Variants in USF2 observed in about 807,000 individuals in gnomAD.
USF2 encodes upstream stimulatory factor 2.
Under a neutral mutation model 46.9 loss-of-function variants are expected in USF2, and 16 were observed. The ratio of observed to expected loss-of-function variants is 0.34; its 90% CI spans 0.23 to 0.52. USF2 has a LOEUF of 0.52. Ranked by LOEUF, USF2 falls within the 20% of genes least tolerant of loss-of-function variation. The pLI is 0.96. For synonymous variants in USF2, 239 were observed against 194.1 expected (o/e 1.23, Z -1.92); for missense variants, 411 against 474.0 (o/e 0.87, Z 1.23).
chr19:35,270,432 C>T lies in USF2; in HGVS notation c.430-15C>T, dbSNP rs748664210. ...AGAGAAAGCTAAGGGTAGCCTCTGCCCTCCTACTCCCCAGGCTGTGATCCA... is the reference window on the plus strand; with the variant it reads ...AGAGAAAGCTAAGGGTAGCCTCTGCTCTCCTACTCCCCAGGCTGTGATCCA... On this transcript the variant is annotated splice_polypyrimidine_tract_variant and intron_variant, in intron 4 of 9. Transcript: ENST00000222305. 3.0e-5 allele frequency: 48 copies of T among 1,607,966 alleles called. No homozygotes were observed. The highest frequency in any genetic ancestry group is 1.3e-4 in the East Asian group (6 of 44,876).
intron 7 of USF2, among the ~76,000 whole-genome samples, chr19:35,271,895 T>C (rs1377448831): frequency 6.6e-6 from 1 of 151,972 alleles, no homozygotes; most frequent in Non-Finnish European, 1.5e-5. Flanking sequence ...TCATGGGACA[T>C]TGATGGGGGG....
At chr19:35,275,716 A>C (rs2066224436) in intron 7 of USF2, 1 of 152,036 alleles carries the variant, frequency 6.6e-6, no homozygotes, top group Admixed American at 6.6e-5. Flanking sequence ...TTTTTCAGAT[A>C]TCTTTTTGTT....
Position 35,270,474 on chromosome 19 carries a change from G to T in USF2, c.457G>T (p.Gly153Cys). Reference sequence around the variant, plus strand: ...TGTGATCCAAAATCCCTTCAGCAATGGTGGCAGTCCGGCGGCCGAGGCTGT... The same window carrying T: ...TGTGATCCAAAATCCCTTCAGCAATTGTGGCAGTCCGGCGGCCGAGGCTGT... Reference protein sequence around the residue: ...LAVIQNPFSNGGSPAAEAVSG... With the variant: ...LAVIQNPFSNCGSPAAEAVSG... Residue 153 changes from glycine to cysteine, a missense_variant, in exon 5 of 10, where the codon GGT becomes TGT. Physicochemically the swap from Gly to Cys is radical, Grantham distance 159. This residue lies in a region of USF2 where 318 missense variants were observed against 322.4 expected (regional missense o/e 0.99). Transcript: ENST00000222305. 6.2e-7 allele frequency: 1 copy of T among 1,613,846 alleles called. No homozygotes were observed. Among genetic ancestry groups the T allele is most frequent in the East Asian group, 2.2e-5 (1 of 44,888 alleles).
At chr19:35,278,398 ATTAAAAT>A in intron 7 of USF2, 1 of 335,186 alleles carries the variant, frequency 3.0e-6, no homozygotes. Flanking sequence ...TTAACTGTCG[ATTAAAAT>A]TTGTACAAGT....
chr19:35,278,369 A>C, intron 7 of USF2: 1 of 273,444 alleles, frequency 3.7e-6, no homozygotes, highest in Non-Finnish European at 7.1e-6. Context: ...GCCAATTACC[A>C]TGAGAAATTT....
chr19:35,276,194 C>T (rs1170081849), intron 7 of USF2, among the ~76,000 whole-genome samples: 1 of 151,496 alleles, frequency 6.6e-6, no homozygotes, highest in Non-Finnish European at 1.5e-5. Flanking sequence ...GCTTCAGCCT[C>T]CCAAGTCGCT....
chr19:35,278,447 A>G (rs1222561534), intron 7 of USF2: 1 of 472,410 alleles, frequency 2.1e-6, no homozygotes, highest in East Asian at 3.5e-5. Flanking sequence ...ATGATCTCCA[A>G]GTGCCTGGCC....
chr19:35,273,020 G>T (rs1037533933), intron 7 of USF2, among the ~76,000 whole-genome samples: 1 of 152,020 alleles, frequency 6.6e-6, no homozygotes, highest in Non-Finnish European at 1.5e-5. Flanking sequence ...TGGCCACACA[G>T]TAAGGCGAAG....
In USF2 at chr19:35,270,029, G is replaced by T. The variant is rs926024513; in HGVS notation, c.429+26G>T. 1.6e-5 allele frequency: 21 copies of T among 1,309,396 alleles called. No homozygotes were observed. In the Admixed American group the frequency reaches 2.9e-4, roughly 18 times the overall value. The allele number at this position is 1,309,396 out of a possible 1,614,324, so 81.1% of individuals were successfully genotyped here. On this transcript the variant is annotated intron_variant, in intron 4 of 9. Transcript: ENST00000222305. ...GTAGGTGCCCTGCCACCCCTGGGTG[G>T]GGGGGGGAGGGAGTGGAGAGGGGAC...
chr19:35,279,625 C>T lies in USF2; in HGVS notation c.*369C>T, dbSNP rs1179686251. On this transcript the variant is annotated 3_prime_UTR_variant, in exon 10 of 10. Transcript: ENST00000222305. ...AGGGTGCTGATGGGAAGGAGGGGAG[C>T]CTTTGGGGGGCCACCCGGGGCCTGG... The T allele has an allele frequency of 1.3e-5, 3 of 233,366 alleles. No homozygotes were observed. Among genetic ancestry groups the T allele is most frequent in the Non-Finnish European group, 2.5e-5 (3 of 121,056 alleles). 14.5% of individuals were successfully genotyped at this position (233,366 alleles called of 1,614,324 possible). A position where few individuals can be genotyped will look rare whatever the true frequency, so the allele number is the denominator to read the frequency against.
At chr19:35,278,602 TC>T (rs1478960310) in intron 7 of USF2, 95 bp from the exon 8 acceptor site, 1 of 1,310,370 alleles carries the variant, frequency 7.6e-7, no homozygotes, top group Non-Finnish European at 1.1e-6. Flanking sequence ...CCTGCACTGT[TC>T]CTGGGTGTCC....
chr19:35,274,763 C>T (rs1365001886), intron 7 of USF2, among the ~76,000 whole-genome samples: 3 of 152,140 alleles, frequency 2.0e-5, no homozygotes, highest in Admixed American at 6.6e-5. Flanking sequence ...CTGAGATTAC[C>T]CTCCAGCCTG....
intron 9 of USF2, 23 bp downstream of exon 9, chr19:35,279,097 G>T (rs759177198): frequency 6.2e-6 from 10 of 1,613,054 alleles, no homozygotes; most frequent in Non-Finnish European, 7.6e-6. Flanking sequence ...CCTGGAGCGG[G>T]TCAGGGCCCA....
At chr19:35,277,925 T>C (rs10410675) in intron 7 of USF2, 31,679 of 152,252 alleles carry the variant, frequency 0.21, 3,488 homozygotes, top group Middle Eastern at 0.24. Flanking sequence ...TGTCTGGGGA[T>C]AGCTGCCACC....
Position 35,279,303 on chromosome 19 carries a change from T to C in USF2, c.*47T>C, listed in dbSNP as rs1342650499. 6.9e-7 allele frequency: 1 copy of C among 1,455,374 alleles called. No individual in the cohort carries two copies. Among genetic ancestry groups the C allele is most frequent in the Admixed American group, 2.6e-5 (1 of 39,094 alleles). 90.2% of individuals were successfully genotyped at this position (1,455,374 alleles called of 1,614,324 possible). ...CGCCGCCGCCCACGCCGGCCTCTGC[T>C]GCCCCCTTCCCCAGCCCTTAGCACA... On this transcript the variant is annotated 3_prime_UTR_variant, in exon 10 of 10. Coordinates refer to ENST00000222305, the MANE Select transcript of USF2 (RefSeq NM_003367.4).
intron 6 of USF2, 80 bp from the exon 7 acceptor site, chr19:35,271,003 T>C: frequency 1.3e-6 from 2 of 1,568,710 alleles, no homozygotes; most frequent in Non-Finnish European, 1.7e-6. Context: ...AAGATAATTT[T>C]CAAATCTAAT....
rs1320089293 is a variant in USF2, at chr19:35,269,493, G to A, written c.109+1G>A. On this transcript the variant is annotated splice_donor_variant, in intron 2 of 9. Coordinates refer to ENST00000222305, the MANE Select transcript of USF2 (RefSeq NM_003367.4). LOFTEE classifies it high-confidence loss of function. Reference sequence around the variant, plus strand: ...GAGGAGGGCGTCGAGCTGCAGGAAGGTGAGTGCTTGCCGGGCCGGCCGCGC... The same window carrying A: ...GAGGAGGGCGTCGAGCTGCAGGAAGATGAGTGCTTGCCGGGCCGGCCGCGC... 1 of 1,553,608 alleles carries A rather than the reference G, an allele frequency of 6.4e-7. No homozygotes were observed.
chr19:35,278,580 G>T (rs2066265994), intron 7 of USF2, 118 bp from the exon 8 acceptor site: 1 of 1,021,916 alleles, frequency 9.8e-7, no homozygotes, highest in African/African-American at 1.6e-5. Flanking sequence ...CAGGGCTGTG[G>T]TCTCGGTGGG....
chr19:35,275,770 T>C (rs1341949562), intron 7 of USF2: 1 of 152,222 alleles, frequency 6.6e-6, no homozygotes, highest in Admixed American at 6.5e-5. Context: ...GAACATACTC[T>C]GTATGATTTC....
Sources: allele counts gnomAD v4.1 joint callset (sites outside exome capture counted in the v4.1 genomes callset), GRCh38; gene constraint gnomAD v4.1.1; regional missense constraint gnomAD v4.1.1; transcripts MANE v1.5; gene names NCBI Gene and HGNC (gene_info 2026-07-23, HGNC 2026-07-21).